Variants in GABRB1 observed in about 807,000 individuals in gnomAD.
GABRB1 encodes gamma-aminobutyric acid type A receptor subunit beta1.
GABRB1 carries 17 observed loss-of-function variants against 51.6 expected under a neutral mutation model. The observed-to-expected ratio is 0.33, with a 90% CI of 0.23 to 0.49. GABRB1 has a LOEUF of 0.49. GABRB1 is among the 20% of genes least tolerant of loss of function. GABRB1 has a pLI of 0.99. For synonymous variants in GABRB1, 247 were observed against 218.9 expected (o/e 1.13, Z -1.14); for missense variants, 410 against 600.6 (o/e 0.68, Z 3.32).
At chr4:47,294,204 T>C (rs1723870128) in intron 4 of GABRB1, among the ~76,000 whole-genome samples, 1 of 152,188 alleles carries the variant, frequency 6.6e-6, no homozygotes, top group African/African-American at 2.4e-5. Context: ...TTTCTGCATT[T>C]CCATCTGAGG....
chr4:47,269,594 A>G (rs975774572), intron 4 of GABRB1, among the ~76,000 whole-genome samples: 1 of 151,660 alleles, frequency 6.6e-6, no homozygotes, highest in African/African-American at 2.4e-5. Flanking sequence ...AGCCAGATGC[A>G]CCTCATTCTT....
chr4:47,209,435 T>C (rs1720264631), intron 4 of GABRB1, among the ~76,000 whole-genome samples: 1 of 152,168 alleles, frequency 6.6e-6, no homozygotes, highest in South Asian at 2.1e-4. Context: ...TCAAATTTGA[T>C]TCTATATTCC....
chr4:47,315,556 T>C (rs1279331052), intron 4 of GABRB1, among the ~76,000 whole-genome samples: 1 of 151,986 alleles, frequency 6.6e-6, no homozygotes, highest in African/African-American at 2.4e-5. Context: ...ATATGAGTCA[T>C]TGTACCTTAA....
chr4:47,032,062 A>G, intron 2 of GABRB1, 57 bp downstream of exon 2: 1 of 1,193,608 alleles, frequency 8.4e-7, no homozygotes. Context: ...TTTTCTGTCA[A>G]AGATAAATGT....
At chr4:47,122,930 T>C (rs1446202135) in intron 3 of GABRB1, among the ~76,000 whole-genome samples, 2 of 152,154 alleles carry the variant, frequency 1.3e-5, no homozygotes, top group African/African-American at 2.4e-5. Flanking sequence ...GGTAGAATAC[T>C]AGCCCTAACT....
chr4:47,416,501 A>G (rs1008266306), intron 8 of GABRB1, among the ~76,000 whole-genome samples: 2 of 148,426 alleles, frequency 1.3e-5, no homozygotes, highest in South Asian at 4.2e-4. Flanking sequence ...CCTAGGTTGG[A>G]GTGCAGTGGC....
intron 5 of GABRB1, among the ~76,000 whole-genome samples, chr4:47,371,611 C>T (rs1463814203): frequency 2.0e-5 from 3 of 152,138 alleles, no homozygotes; most frequent in East Asian, 1.9e-4. Flanking sequence ...TGTTTCTTGA[C>T]TTTTTAATAA....
chr4:47,360,936 AT>A (rs1158643874), intron 5 of GABRB1, among the ~76,000 whole-genome samples: 1 of 152,114 alleles, frequency 6.6e-6, no homozygotes, highest in Admixed American at 6.6e-5. Context: ...ATGTTAATTT[AT>A]TTACCTCTCA....
In GABRB1 at chr4:47,238,420, T is replaced by G. The variant is rs572638859; in HGVS notation, c.461+76951T>G. Among the ~76,000 whole-genome samples, 3 of 152,266 alleles carry G rather than the reference T, an allele frequency of 2.0e-5. No homozygotes were observed. The South Asian group carries it at 6.2e-4, about 32-fold the overall frequency. ...CAAAAGTAAAGCTCTTTTAAATCAC[T>G]TCAGAGAATCATTATACTTTGGTAT... On this transcript the variant is annotated intron_variant, in intron 4 of 8. Transcript: ENST00000295454.
At chr4:47,148,548 A>G (rs1327350387) in intron 3 of GABRB1, among the ~76,000 whole-genome samples, 1 of 152,068 alleles carries the variant, frequency 6.6e-6, no homozygotes, top group Non-Finnish European at 1.5e-5. Flanking sequence ...CTAATGATTA[A>G]TGAGGTTTTT....
intron 4 of GABRB1, among the ~76,000 whole-genome samples, chr4:47,254,330 A>G (rs1454089217): frequency 6.9e-6 from 1 of 145,806 alleles, no homozygotes; most frequent in Non-Finnish European, 1.5e-5. Context: ...TCTTCCTGGA[A>G]TATACATGGT....
intron 4 of GABRB1, among the ~76,000 whole-genome samples, chr4:47,162,357 C>T (rs1194728282): frequency 1.3e-5 from 2 of 151,834 alleles, no homozygotes; most frequent in Non-Finnish European, 2.9e-5. Context: ...GAGAGTAATT[C>T]CATGACTCAA....
chr4:47,110,393 T>A (rs1454947129), intron 3 of GABRB1, among the ~76,000 whole-genome samples: 1 of 152,196 alleles, frequency 6.6e-6, no homozygotes, highest in Non-Finnish European at 1.5e-5. Context: ...CTATGCTATC[T>A]TTTCTTTTTG....
chr4:47,303,774 G>T (rs1724349528), intron 4 of GABRB1, among the ~76,000 whole-genome samples: 1 of 151,894 alleles, frequency 6.6e-6, no homozygotes, highest in Non-Finnish European at 1.5e-5. Flanking sequence ...CAATTTTCAA[G>T]AATACATTAT....
intron 4 of GABRB1, among the ~76,000 whole-genome samples, chr4:47,197,132 G>A (rs1719715218): frequency 1.3e-5 from 2 of 152,172 alleles, no homozygotes; most frequent in East Asian, 1.9e-4. Flanking sequence ...TCTGGCAATG[G>A]TTAGACACCA....
intron 4 of GABRB1, among the ~76,000 whole-genome samples, chr4:47,188,073 C>T (rs993491107): frequency 6.6e-6 from 1 of 151,924 alleles, no homozygotes; most frequent in African/African-American, 2.4e-5. Flanking sequence ...ACCAGATGTG[C>T]TCAGTTTTAT....
At chr4:47,403,487 G>T in intron 6 of GABRB1, 32 bp downstream of exon 6, 2 of 1,613,564 alleles carry the variant, frequency 1.2e-6, no homozygotes, top group Non-Finnish European at 8.5e-7. Flanking sequence ...TGTACTAGGG[G>T]TGCTGTGAAA....
intron 3 of GABRB1, among the ~76,000 whole-genome samples, chr4:47,098,455 TC>T (rs1195939642): frequency 1.3e-5 from 2 of 152,068 alleles, no homozygotes; most frequent in Non-Finnish European, 1.5e-5. Context: ...CTGTTTTTTT[TC>T]CCCCCAATTA....
At chr4:47,360,120 T>TAA (rs372037132) in intron 5 of GABRB1, among the ~76,000 whole-genome samples, 99 of 146,892 alleles carry the variant, frequency 6.7e-4, no homozygotes, top group Non-Finnish European at 8.9e-4. Context: ...AGGAAAGCTT[T>TAA]AAAAAAAAAA....
Sources: allele counts gnomAD v4.1 joint callset (sites outside exome capture counted in the v4.1 genomes callset), GRCh38; gene constraint gnomAD v4.1.1; transcripts MANE v1.5; gene names NCBI Gene and HGNC (gene_info 2026-07-23, HGNC 2026-07-21).